MTNR1B: variants seen among roughly 807,000 people sequenced by gnomAD.
MTNR1B encodes melatonin receptor 1B, also known as melatonin receptor type 1B.
MTNR1B carries 7 observed loss-of-function variants against 7.0 expected under a neutral mutation model. The observed-to-expected ratio is 1.00, with a 90% CI of 0.57 to 1.88. MTNR1B has a LOEUF of 1.88. Among genes scored for constraint, MTNR1B ranks in the 40% most tolerant of loss-of-function variants. The pLI is 0.00. For missense variants in MTNR1B, 478 were observed against 486.5 expected (o/e 0.98, Z 0.16); for synonymous variants, 226 against 208.2 (o/e 1.09, Z -0.74).
At chr11:92,972,332 G>A (rs1857939971) in intron 1 of MTNR1B, 3 of 445,652 alleles carry the variant, frequency 6.7e-6, no homozygotes, top group African/African-American at 6.0e-5. Flanking sequence ...TGTTTCCCAG[G>A]AGACACCAGT....
downstream of MTNR1B, among the ~76,000 whole-genome samples, chr11:92,982,996 C>T (rs1249224561): frequency 7.5e-6 from 1 of 132,790 alleles, no homozygotes; most frequent in Non-Finnish European, 1.5e-5. Context: ...AGCACAAAGT[C>T]CGCTTGGCCT....
chr11:92,973,188 C>T (rs1167924054), intron 1 of MTNR1B, among the ~76,000 whole-genome samples: 2 of 151,934 alleles, frequency 1.3e-5, no homozygotes, highest in Non-Finnish European at 2.9e-5. Flanking sequence ...ATCTTTGGTT[C>T]CTCCTACTCT....
At chr11:92,970,939 T>G (rs1401933820) in intron 1 of MTNR1B, among the ~76,000 whole-genome samples, 1 of 152,158 alleles carries the variant, frequency 6.6e-6, no homozygotes, top group African/African-American at 2.4e-5. Flanking sequence ...TAATATGTAT[T>G]TGGTGTGGCC....
intron 1 of MTNR1B, among the ~76,000 whole-genome samples, chr11:92,975,675 A>G (rs1041371052): frequency 2.7e-4 from 41 of 152,152 alleles, no homozygotes; most frequent in African/African-American, 8.4e-4. Context: ...CTCTCTTCCA[A>G]CTTGTTGACT....
chr11:92,969,765 G>A lies in MTNR1B; in HGVS notation c.40G>A (p.Gly14Ser). The change falls in exon 1 of 2, where the codon GGC becomes AGC. Residue 14 changes from glycine to serine, a missense_variant. Gly to Ser is a moderately conservative substitution (Grantham distance 56). Transcript: ENST00000257068. ...CTCCTTCGCCAACTGCTGCGAGGCG[G>A]GCGGGTGGGCAGTGCGCCCGGGCTG... Reference protein sequence around the residue: ...NGSFANCCEAGGWAVRPGWSG... With the variant: ...NGSFANCCEASGWAVRPGWSG... 4 of 1,516,324 alleles carry A rather than the reference G, an allele frequency of 2.6e-6. No homozygotes were observed. The highest frequency in any genetic ancestry group is 1.8e-6 in the Non-Finnish European group (2 of 1,130,590). 93.9% of individuals were successfully genotyped at this position (1,516,324 alleles called of 1,614,324 possible). A position where few individuals can be genotyped will look rare whatever the true frequency, so the allele number is the denominator to read the frequency against.
At chr11:92,981,388 T>C (rs891280537) in intron 1 of MTNR1B, 59 bp from the exon 2 acceptor site, 1 of 1,557,330 alleles carries the variant, frequency 6.4e-7, no homozygotes, top group Admixed American at 1.8e-5. Flanking sequence ...GGGTAGGATG[T>C]TCTACAGAAT....
rs1591902541 is a variant in MTNR1B at position 92,972,698 on chromosome 11, C to T, written c.223+2750C>T. The T allele has an allele frequency of 1.1e-5, 4 of 370,128 alleles. No individual in the cohort carries two copies. In the East Asian group the frequency reaches 2.9e-4, roughly 27 times the overall value. The allele number at this position is 370,128 out of a possible 1,614,324, so 22.9% of individuals were successfully genotyped here. On this transcript the variant is annotated intron_variant, in intron 1 of 1. Coordinates refer to ENST00000257068, the MANE Select transcript of MTNR1B (RefSeq NM_005959.5). ...TCAGATTGTGCTTCCCAGGGACTTG[C>T]CACACTTTTGACTCTACTGAGAGCC... is the stretch of plus-strand genomic sequence containing the variant.
chr11:92,970,084 C>T (rs1857901248), intron 1 of MTNR1B, 136 bp downstream of exon 1: 2 of 1,229,386 alleles, frequency 1.6e-6, no homozygotes, highest in Non-Finnish European at 2.1e-6. Flanking sequence ...TAACCTATTC[C>T]TTAAGTTTGA....
At chr11:92,973,486 T>C (rs910137369) in intron 1 of MTNR1B, among the ~76,000 whole-genome samples, 1 of 152,160 alleles carries the variant, frequency 6.6e-6, no homozygotes, top group African/African-American at 2.4e-5. Flanking sequence ...ACAGCCTCAT[T>C]GCCCTCCTCT....
chr11:92,974,585 C>T (rs1440988179), intron 1 of MTNR1B, among the ~76,000 whole-genome samples: 1 of 151,970 alleles, frequency 6.6e-6, no homozygotes, highest in African/African-American at 2.4e-5. Flanking sequence ...GGATTACAGG[C>T]ATGAGCCACC....
intron 1 of MTNR1B, among the ~76,000 whole-genome samples, chr11:92,977,906 T>C (rs1858036032): frequency 6.6e-6 from 1 of 152,240 alleles, no homozygotes; most frequent in African/African-American, 2.4e-5. Context: ...TTCCCCAACA[T>C]ATCCCTCTTG....
chr11:92,974,632 C>T (rs1299592681), intron 1 of MTNR1B, among the ~76,000 whole-genome samples: 1 of 149,870 alleles, frequency 6.7e-6, no homozygotes, highest in African/African-American at 2.4e-5. Flanking sequence ...GAGACAGAGT[C>T]TTGCTGTCGC....
chr11:92,976,391 C>T lies in MTNR1B; in HGVS notation c.224-5056C>T, dbSNP rs562997884. ...TTATCTCACAGGGATCCCAGTCCAA[C>T]CTTATGAGCCTCTTTCTTGATCTGT... On this transcript the variant is annotated intron_variant, in intron 1 of 1. Coordinates refer to ENST00000257068, the MANE Select transcript of MTNR1B (RefSeq NM_005959.5). 1.1e-4 allele frequency among the ~76,000 whole-genome samples: 16 copies of T among 152,300 alleles called. No individual in the cohort carries two copies. The East Asian group carries it at 3.1e-3, about 29-fold the overall frequency.
rs757122021 is a variant in MTNR1B, at chr11:92,969,762, G to T, written c.37G>T (p.Ala13Ser). 26 of 1,512,072 alleles carry T rather than the reference G, an allele frequency of 1.7e-5. No homozygotes were observed. Among genetic ancestry groups the T allele is most frequent in the Non-Finnish European group, 2.3e-5 (26 of 1,128,770 alleles). 93.7% of individuals were successfully genotyped at this position (1,512,072 alleles called of 1,614,324 possible). Reference protein sequence around the residue: ...ENGSFANCCEAGGWAVRPGWS... With the variant: ...ENGSFANCCESGGWAVRPGWS... ...CGGCTCCTTCGCCAACTGCTGCGAG[G>T]CGGGCGGGTGGGCAGTGCGCCCGGG... The change falls in exon 1 of 2, where the codon GCG becomes TCG. Residue 13 changes from alanine (A) to serine (S), a missense_variant. Ala to Ser is a moderately conservative substitution (Grantham distance 99). Transcript: ENST00000257068.
intron 1 of MTNR1B, among the ~76,000 whole-genome samples, chr11:92,980,256 A>G (rs929379410): frequency 3.3e-5 from 5 of 152,178 alleles, no homozygotes; most frequent in African/African-American, 1.2e-4. Flanking sequence ...AGACCAGAAA[A>G]TTTAAAATAC....
At chr11:92,984,938 C>T (rs865801618), downstream of MTNR1B, 24 of 455,966 alleles carry the variant, frequency 5.3e-5, no homozygotes, top group African/African-American at 1.2e-4. Context: ...AATGCTTTTG[C>T]GGAAACAGCA....
intron 1 of MTNR1B, among the ~76,000 whole-genome samples, chr11:92,979,766 C>T (rs924985383): frequency 3.2e-4 from 49 of 152,184 alleles, no homozygotes; most frequent in Admixed American, 5.9e-4. Flanking sequence ...TGACCCCATT[C>T]CTCTGAGGTC....
At chr11:92,980,984 G>A (rs1019120478) in intron 1 of MTNR1B, among the ~76,000 whole-genome samples, 14 of 152,246 alleles carry the variant, frequency 9.2e-5, no homozygotes, top group Non-Finnish European at 8.8e-5. Flanking sequence ...GAGACAACCA[G>A]AGAGATGTGC....
chr11:92,972,492 T>A (rs1382044940), intron 1 of MTNR1B: 1 of 456,068 alleles, frequency 2.2e-6, no homozygotes, highest in Non-Finnish European at 4.4e-6. Context: ...TGTTGCTGCA[T>A]GTGGTGGGTT....
Sources: allele counts gnomAD v4.1 joint callset (sites outside exome capture counted in the v4.1 genomes callset), GRCh38; gene constraint gnomAD v4.1.1; transcripts MANE v1.5; gene names NCBI Gene and HGNC (gene_info 2026-07-23, HGNC 2026-07-21).